Variants in CACNA2D1 observed in about 807,000 individuals in gnomAD.
The protein encoded by CACNA2D1 is calcium voltage-gated channel auxiliary subunit alpha2delta 1, also known as voltage-dependent calcium channel subunit alpha-2/delta-1.
CACNA2D1 carries 53 observed loss-of-function variants against 171.5 expected under a neutral mutation model. That is an observed-to-expected ratio of 0.31 (90% CI 0.25 to 0.39). The LOEUF (loss-of-function observed/expected upper bound fraction) is 0.39, where lower values mean the gene tolerates loss of function less well. Among genes scored for constraint, CACNA2D1 ranks in the 10% least tolerant of loss-of-function variants. The pLI, the probability that CACNA2D1 is intolerant of heterozygous loss-of-function variation, is 1.00. For synonymous variants in CACNA2D1, 442 were observed against 443.1 expected, an observed-to-expected ratio of 1.00 and a Z score of 0.03; for missense variants, 903 against 1,299.8, an observed-to-expected ratio of 0.69 and a Z score of 4.69.
At chr7:82,416,221 T>A (rs145470221) in intron 1 of CACNA2D1, among the ~76,000 whole-genome samples, 2,625 of 151,206 alleles carry the variant, frequency 0.017, 39 homozygotes, top group Non-Finnish European at 0.022. Context: ...TCTCAAAAAA[T>A]AATAATAATA....
chr7:82,025,869 G>A (rs1801833591), intron 12 of CACNA2D1, among the ~76,000 whole-genome samples: 1 of 151,678 alleles, frequency 6.6e-6, no homozygotes, highest in African/African-American at 2.4e-5. Flanking sequence ...ATCCATCACT[G>A]AAAGTGAGGT....
Position 82,443,550 on chromosome 7 carries a change from C to T in CACNA2D1, c.-91G>A, listed in dbSNP as rs1464129100. On this transcript the variant is annotated 5_prime_UTR_variant, in exon 1 of 39. Coordinates refer to ENST00000356860, the MANE Select transcript of CACNA2D1 (RefSeq NM_000722.4). ...CGGGCGGAGGAAGAGCAGCACACGC[C>T]GCCGGGACCGCGGGCGTCTGGAGGG... 2.0e-6 allele frequency: 3 copies of T among 1,526,560 alleles called. No individual in the cohort carries two copies. Among genetic ancestry groups the T allele is most frequent in the African/African-American group, 1.4e-5 (1 of 70,104 alleles). The allele number at this position is 1,526,560 out of a possible 1,614,324, so 94.6% of individuals were successfully genotyped here. A position where few individuals can be genotyped will look rare whatever the true frequency, so the allele number is the denominator to read the frequency against.
At chr7:82,100,480 T>C (rs1181928339) in intron 6 of CACNA2D1, among the ~76,000 whole-genome samples, 4 of 151,936 alleles carry the variant, frequency 2.6e-5, no homozygotes, top group African/African-American at 4.8e-5. Flanking sequence ...CTGAAACCCC[T>C]GGATGTTATT....
At chr7:82,237,897 A>G (rs954220571) in intron 3 of CACNA2D1, among the ~76,000 whole-genome samples, 3 of 151,916 alleles carry the variant, frequency 2.0e-5, no homozygotes, top group African/African-American at 7.2e-5. Flanking sequence ...TCAATTAAAA[A>G]CTAAATATAA....
At chr7:82,221,414 A>G (rs1801746649) in intron 3 of CACNA2D1, among the ~76,000 whole-genome samples, 1 of 152,152 alleles carries the variant, frequency 6.6e-6, no homozygotes, top group Non-Finnish European at 1.5e-5. Context: ...TCTACAGTAG[A>G]TTCTCTAATT....
chr7:82,229,346 T>C (rs1040022263), intron 3 of CACNA2D1, among the ~76,000 whole-genome samples: 1 of 152,142 alleles, frequency 6.6e-6, no homozygotes, highest in African/African-American at 2.4e-5. Flanking sequence ...ATTTCTACTC[T>C]AATGAGACTG....
In CACNA2D1 at chr7:81,961,940, C is replaced by A. The variant is rs774285483; in HGVS notation, c.2920G>T (p.Asp974Tyr). Residue 974 changes from aspartate (D) to tyrosine (Y), a missense_variant, in exon 36 of 39, where the codon GAC becomes TAC. This residue lies in a region of CACNA2D1 where 623 missense variants were observed against 925.5 expected (regional missense o/e 0.67). Coordinates refer to ENST00000356860, the MANE Select transcript of CACNA2D1 (RefSeq NM_000722.4). ...TEQTQYFFDN[D>Y]SKSFSGVLDC... ...AATACACCACTGAATGATTTACTGT[C>A]GTTATCGAAGAAATACTGGGTTTGT... is the stretch of plus-strand genomic sequence containing the variant. 1.2e-6 allele frequency: 2 copies of A among 1,611,138 alleles called. No homozygotes were observed. The highest frequency in any genetic ancestry group is 1.1e-5 in the South Asian group (1 of 90,998).
At chr7:82,064,584 A>T (rs1001275964) in intron 8 of CACNA2D1, among the ~76,000 whole-genome samples, 1 of 152,144 alleles carries the variant, frequency 6.6e-6, no homozygotes, top group African/African-American at 2.4e-5. Context: ...ACATTTTTTG[A>T]TATTTATAAC....
chr7:82,410,457 T>C, intron 1 of CACNA2D1: 1 of 962,322 alleles, frequency 1.0e-6, no homozygotes, highest in African/African-American at 1.8e-5. Flanking sequence ...GGCTTAGCCT[T>C]AAGAAAAAAC....
At chr7:82,284,742 A>C (rs958751125) in intron 3 of CACNA2D1, among the ~76,000 whole-genome samples, 1 of 152,152 alleles carries the variant, frequency 6.6e-6, no homozygotes, top group Non-Finnish European at 1.5e-5. Context: ...GCCTCACCTC[A>C]TAATACCATC....
chr7:82,419,719 C>T (rs574217940), intron 1 of CACNA2D1, among the ~76,000 whole-genome samples: 11 of 152,288 alleles, frequency 7.2e-5, no homozygotes, highest in African/African-American at 2.4e-4. Context: ...AAAACTTTAG[C>T]AAAATGCAAA....
intron 10 of CACNA2D1, among the ~76,000 whole-genome samples, chr7:82,042,712 T>C (rs181674620): frequency 1.3e-3 from 205 of 152,240 alleles, no homozygotes; most frequent in African/African-American, 4.7e-3. Flanking sequence ...CCACATCTCT[T>C]GTTCCTTCTG....
At chr7:81,987,978 G>C (rs753948041) in intron 21 of CACNA2D1, among the ~76,000 whole-genome samples, 40 of 152,148 alleles carry the variant, frequency 2.6e-4, no homozygotes, top group Non-Finnish European at 4.6e-4. Flanking sequence ...ACATTCGCCT[G>C]CTCACACTGT....
At chr7:82,330,407 C>T (rs936495837) in intron 3 of CACNA2D1, among the ~76,000 whole-genome samples, 3 of 152,030 alleles carry the variant, frequency 2.0e-5, no homozygotes, top group African/African-American at 7.2e-5. Context: ...CACCAAAAAA[C>T]CCTCCACTTT....
At chr7:82,293,048 T>C (rs1811849202) in intron 3 of CACNA2D1, among the ~76,000 whole-genome samples, 1 of 152,062 alleles carries the variant, frequency 6.6e-6, no homozygotes, top group South Asian at 2.1e-4. Context: ...TATGACTTTA[T>C]CTTCTATTTT....
chr7:82,209,324 G>T (rs1335695508), intron 3 of CACNA2D1, among the ~76,000 whole-genome samples: 1 of 152,206 alleles, frequency 6.6e-6, no homozygotes, highest in South Asian at 2.1e-4. Flanking sequence ...TTGGCATAGG[G>T]GTTGGTAGAT....
chr7:82,148,025 G>T (rs1392442497), intron 4 of CACNA2D1, among the ~76,000 whole-genome samples: 1 of 152,072 alleles, frequency 6.6e-6, no homozygotes, highest in Non-Finnish European at 1.5e-5. Context: ...TGCAGATACA[G>T]ATAATATTAA....
Position 82,443,491 on chromosome 7 carries a change from G to A in CACNA2D1, c.-32C>T. 1 of 1,600,378 alleles carries A rather than the reference G, an allele frequency of 6.2e-7. No homozygotes were observed. Among genetic ancestry groups the A allele is most frequent in the South Asian group, 1.1e-5 (1 of 89,272 alleles). On this transcript the variant is annotated 5_prime_UTR_variant, in exon 1 of 39. Transcript: ENST00000356860. ...GATCGAAGATCAATGCCCCCTCCCT[G>A]CCCAAGCGGGGGAAGGAGCGGCGCT...
At chr7:82,432,165 A>G (rs1441937455) in intron 1 of CACNA2D1, among the ~76,000 whole-genome samples, 3 of 152,170 alleles carry the variant, frequency 2.0e-5, no homozygotes, top group Admixed American at 1.3e-4. Flanking sequence ...ATTACTGTTC[A>G]GACACTGCAG....
Sources: allele counts gnomAD v4.1 joint callset (sites outside exome capture counted in the v4.1 genomes callset), GRCh38; gene constraint gnomAD v4.1.1; regional missense constraint gnomAD v4.1.1; transcripts MANE v1.5; gene names NCBI Gene and HGNC (gene_info 2026-07-23, HGNC 2026-07-21).